Variants in GABRB2 observed in about 807,000 individuals in gnomAD.
The protein encoded by GABRB2 is gamma-aminobutyric acid type A receptor subunit beta2, also known as gamma-aminobutyric acid receptor subunit beta-2.
Under a neutral mutation model 54.7 loss-of-function variants are expected in GABRB2, and 16 were observed. The observed-to-expected ratio is 0.29, with a 90% CI of 0.20 to 0.44. The LOEUF is 0.44. Ranked by LOEUF, GABRB2 falls within the 20% of genes least tolerant of loss-of-function variation. The pLI is 1.00. For synonymous variants in GABRB2, 244 were observed against 233.8 expected (o/e 1.04, Z -0.40); for missense variants, 355 against 644.0 (o/e 0.55, Z 4.86).
chr5:161,452,092 ACT>A (rs895766108), intron 4 of GABRB2, among the ~76,000 whole-genome samples: 1 of 152,160 alleles, frequency 6.6e-6, no homozygotes, highest in African/African-American at 2.4e-5. Flanking sequence ...GAAAATATGC[ACT>A]GTTATGCTCA....
intron 3 of GABRB2, among the ~76,000 whole-genome samples, chr5:161,488,186 A>T (rs1758984778): frequency 6.6e-6 from 1 of 151,608 alleles, no homozygotes; most frequent in African/African-American, 2.4e-5. Context: ...AATGGAATAG[A>T]AAAATTTGGC....
At chr5:161,455,560 CG>C (rs1203113016) in intron 4 of GABRB2, among the ~76,000 whole-genome samples, 26 of 144,072 alleles carry the variant, frequency 1.8e-4, no homozygotes, top group Middle Eastern at 3.8e-3. Context: ...AGACAGGGTA[CG>C]GCTCTGTCAT....
intron 9 of GABRB2, among the ~76,000 whole-genome samples, chr5:161,305,982 C>T (rs1757680527): frequency 6.6e-6 from 1 of 152,218 alleles, no homozygotes; most frequent in Admixed American, 6.5e-5. Flanking sequence ...AAATCTCTGA[C>T]AGTGAGTAGT....
intron 4 of GABRB2, among the ~76,000 whole-genome samples, chr5:161,425,899 T>C (rs1756984879): frequency 1.3e-5 from 2 of 152,268 alleles, no homozygotes; most frequent in Middle Eastern, 3.4e-3. Context: ...TTTCTCATAA[T>C]TGCTTGTAGA....
intron 9 of GABRB2, among the ~76,000 whole-genome samples, chr5:161,311,696 T>G (rs930230833): frequency 3.9e-5 from 6 of 152,220 alleles, no homozygotes; most frequent in Non-Finnish European, 7.3e-5. Context: ...CTTTGCTATT[T>G]AATTTAGTCC....
intron 5 of GABRB2, among the ~76,000 whole-genome samples, chr5:161,395,282 G>A (rs1307805627): frequency 1.3e-5 from 2 of 152,038 alleles, no homozygotes; most frequent in African/African-American, 4.8e-5. Context: ...TCTTTCCATA[G>A]TTTGAAGAGC....
chr5:161,406,379 G>C (rs1428042548), intron 5 of GABRB2, among the ~76,000 whole-genome samples: 1 of 152,020 alleles, frequency 6.6e-6, no homozygotes, highest in Non-Finnish European at 1.5e-5. Context: ...GTCAAAGCAA[G>C]GGCCAGAATA....
At chr5:161,474,829 T>C (rs545705084) in intron 3 of GABRB2, among the ~76,000 whole-genome samples, 2 of 152,084 alleles carry the variant, frequency 1.3e-5, no homozygotes, top group South Asian at 2.1e-4. Context: ...CTTTACGGTA[T>C]AGTCAATTAC....
At chr5:161,354,056 T>C (rs1754545998) in intron 5 of GABRB2, among the ~76,000 whole-genome samples, 1 of 151,944 alleles carries the variant, frequency 6.6e-6, no homozygotes, top group Admixed American at 6.6e-5. Context: ...ACACAGCAAA[T>C]TGGTATTTAA....
At chr5:161,379,038 T>C (rs1755389862) in intron 5 of GABRB2, among the ~76,000 whole-genome samples, 1 of 152,180 alleles carries the variant, frequency 6.6e-6, no homozygotes, top group Non-Finnish European at 1.5e-5. Context: ...TTCACTAAAC[T>C]GCCTTCTCTT....
At chr5:161,488,847 T>A (rs1269650108) in intron 3 of GABRB2, among the ~76,000 whole-genome samples, 1 of 151,782 alleles carries the variant, frequency 6.6e-6, no homozygotes, top group Non-Finnish European at 1.5e-5. Context: ...AGCAAGCAAT[T>A]GGTGTCATTC....
At chr5:161,303,297 C>T (rs796167348) in intron 9 of GABRB2, among the ~76,000 whole-genome samples, 1 of 152,254 alleles carries the variant, frequency 6.6e-6, no homozygotes, top group Non-Finnish European at 1.5e-5. Context: ...ACGCTGTTGG[C>T]TCTAAGATAT....
chr5:161,484,102 T>C (rs1390844217), intron 3 of GABRB2, among the ~76,000 whole-genome samples: 9 of 151,942 alleles, frequency 5.9e-5, no homozygotes, highest in African/African-American at 1.7e-4. Flanking sequence ...TATCTGAATA[T>C]GTTCTATACC....
intron 4 of GABRB2, among the ~76,000 whole-genome samples, chr5:161,415,300 T>C (rs1437585013): frequency 2.0e-5 from 3 of 152,202 alleles, no homozygotes; most frequent in Non-Finnish European, 4.4e-5. Context: ...GTAAATTCTA[T>C]TGTATGATGA....
At chr5:161,516,161 C>A (rs1237279409) in intron 3 of GABRB2, among the ~76,000 whole-genome samples, 2 of 152,108 alleles carry the variant, frequency 1.3e-5, no homozygotes, top group African/African-American at 2.4e-5. Flanking sequence ...TATAGTAGAA[C>A]CTAAATAAAT....
At chr5:161,538,345 C>T (rs550485931) in intron 3 of GABRB2, among the ~76,000 whole-genome samples, 2 of 152,170 alleles carry the variant, frequency 1.3e-5, no homozygotes, top group South Asian at 2.1e-4. Context: ...AGAATAAATA[C>T]GTAAAATATA....
At chr5:161,541,146 G>A (rs1395815173) in intron 3 of GABRB2, among the ~76,000 whole-genome samples, 3 of 151,764 alleles carry the variant, frequency 2.0e-5, no homozygotes, top group African/African-American at 2.4e-5. Context: ...GCACCTGGTT[G>A]AGCAGTAAGT....
intron 4 of GABRB2, among the ~76,000 whole-genome samples, chr5:161,425,614 G>A (rs1756976171): frequency 6.6e-6 from 1 of 152,084 alleles, no homozygotes; most frequent in Admixed American, 6.6e-5. Context: ...GAAACAAAAA[G>A]TTGTGATTCA....
chr5:161,327,740 C>T (rs1758411808), intron 8 of GABRB2, among the ~76,000 whole-genome samples: 1 of 152,156 alleles, frequency 6.6e-6, no homozygotes, highest in Admixed American at 6.5e-5. Flanking sequence ...TAATCTGACA[C>T]ACTCCTTCCA....
Sources: allele counts gnomAD v4.1 joint callset (sites outside exome capture counted in the v4.1 genomes callset), GRCh38; gene constraint gnomAD v4.1.1; transcripts MANE v1.5; gene names NCBI Gene and HGNC (gene_info 2026-07-23, HGNC 2026-07-21).